Variants in ORC5 observed in about 807,000 individuals in gnomAD.
ORC5 encodes protein phosphatase 1, regulatory subunit 117.
A neutral mutation model predicts 58.8 loss-of-function variants in ORC5; 39 were observed. The ratio of observed to expected loss-of-function variants is 0.66; its 90% confidence interval spans 0.51 to 0.87. The LOEUF (loss-of-function observed/expected upper bound fraction) is 0.87. Among genes scored for constraint, ORC5 ranks in the 40% least tolerant of loss-of-function variants. The pLI is 0.00. For synonymous variants in ORC5, 218 were observed against 177.6 expected, an observed-to-expected ratio of 1.23 and a Z score of -1.81; for missense variants, 493 against 506.3, an observed-to-expected ratio of 0.97 and a Z score of 0.25.
intron 5 of ORC5, among the ~76,000 whole-genome samples, chr7:104,188,819 C>A (rs1799607526): frequency 2.0e-5 from 3 of 152,030 alleles, no homozygotes; most frequent in Admixed American, 2.0e-4. Flanking sequence ...TTCCCCCTAG[C>A]TGTTCTTGTG....
intron 8 of ORC5, 139 bp from the exon 9 acceptor site, chr7:104,168,664 A>ATTTTTTTTTTTTTTTTTTTTTTTTTT: frequency 8.2e-6 from 4 of 488,736 alleles, no homozygotes; most frequent in Non-Finnish European, 1.1e-5. Flanking sequence ...TGCAATAAAC[A>ATTTTTTTTTTTTTTTTTTTTTTTTTT]TGTTTGTACC....
intron 4 of ORC5, 134 bp from the exon 5 acceptor site, chr7:104,195,388 A>T: frequency 3.8e-6 from 2 of 527,304 alleles, no homozygotes; most frequent in South Asian, 5.8e-5. Flanking sequence ...ATATTAATAA[A>T]CCATATTTAG....
At chr7:104,140,124 C>A (rs194854) in intron 12 of ORC5, among the ~76,000 whole-genome samples, 48,984 of 151,854 alleles carry the variant, frequency 0.32, 8,673 homozygotes, top group East Asian at 0.52. Flanking sequence ...TTTTCTGTTA[C>A]TTTTCATGAT....
intron 8 of ORC5, among the ~76,000 whole-genome samples, chr7:104,181,602 G>A (rs191650551): frequency 3.3e-5 from 5 of 152,012 alleles, no homozygotes; most frequent in African/African-American, 9.6e-5. Flanking sequence ...TGGCTAACAC[G>A]GTGAAATGCT....
At chr7:104,174,846 C>T (rs1799290674) in intron 8 of ORC5, among the ~76,000 whole-genome samples, 1 of 152,142 alleles carries the variant, frequency 6.6e-6, no homozygotes, top group Non-Finnish European at 1.5e-5. Flanking sequence ...AGCATGTGTA[C>T]AAGGCCAGTA....
At chr7:104,204,941 GCTTTC>G (rs1800038069) in intron 1 of ORC5, among the ~76,000 whole-genome samples, 1 of 152,052 alleles carries the variant, frequency 6.6e-6, no homozygotes, top group Admixed American at 6.6e-5. Flanking sequence ...TTAAATGAAC[GCTTTC>G]ATTAGATACC....
At chr7:104,192,649 A>G (rs759068495) in intron 5 of ORC5, among the ~76,000 whole-genome samples, 6 of 152,186 alleles carry the variant, frequency 3.9e-5, no homozygotes, top group Non-Finnish European at 8.8e-5. Context: ...ACTACTAGAC[A>G]CATGAAAAAG....
chr7:104,141,424 T>C (rs985457033), intron 12 of ORC5, among the ~76,000 whole-genome samples: 11 of 136,114 alleles, frequency 8.1e-5, no homozygotes, highest in Non-Finnish European at 1.4e-4. Flanking sequence ...GAGAACATAG[T>C]TTAAGAGAAA....
chr7:104,179,595 T>C (rs2115948669), intron 8 of ORC5, among the ~76,000 whole-genome samples: 1 of 147,448 alleles, frequency 6.8e-6, no homozygotes, highest in South Asian at 2.2e-4. Flanking sequence ...GGTTTTCACT[T>C]TGAATTCTGA....
At chr7:104,197,829 G>T in intron 3 of ORC5, 30 bp from the exon 4 acceptor site, 5 of 1,380,292 alleles carry the variant, frequency 3.6e-6, no homozygotes, top group Non-Finnish European at 5.0e-6. Context: ...AAAACAAAAA[G>T]AAATGCATTT....
At chr7:104,192,507 C>T (rs1029180387) in intron 5 of ORC5, among the ~76,000 whole-genome samples, 1 of 152,044 alleles carries the variant, frequency 6.6e-6, no homozygotes, top group Non-Finnish European at 1.5e-5. Context: ...AATGGCTACT[C>T]TGGATCATCT....
rs759203279 is a variant in ORC5, at chr7:104,184,034, C to T, written c.734-1G>A. 2 of 1,611,558 alleles carry T rather than the reference C, an allele frequency of 1.2e-6. No homozygotes were observed. The highest frequency in any genetic ancestry group is 1.7e-6 in the Non-Finnish European group (2 of 1,178,704). On this transcript the variant is annotated splice_acceptor_variant, in intron 7 of 13. Coordinates refer to ENST00000297431, the MANE Select transcript of ORC5 (RefSeq NM_002553.4). LOFTEE classifies it high-confidence loss of function. ...AGTTTGCGAGTATCACGTTCACTTGCTACCCCAAAGGGAAGAAAATTTCAG... is the reference window on the plus strand; with the variant it reads ...AGTTTGCGAGTATCACGTTCACTTGTTACCCCAAAGGGAAGAAAATTTCAG...
intron 8 of ORC5, among the ~76,000 whole-genome samples, chr7:104,174,404 A>C (rs1303011167): frequency 6.6e-6 from 1 of 152,212 alleles, no homozygotes; most frequent in Non-Finnish European, 1.5e-5. Flanking sequence ...ATAAGAAACA[A>C]AATGGGATCC....
chr7:104,130,411 T>C (rs1177535161), intron 13 of ORC5, among the ~76,000 whole-genome samples: 1 of 152,174 alleles, frequency 6.6e-6, no homozygotes. Context: ...AAGGACATAG[T>C]CTTTTCTTCA....
At chr7:104,206,007 C>T (rs1200763575) in intron 1 of ORC5, among the ~76,000 whole-genome samples, 1 of 152,050 alleles carries the variant, frequency 6.6e-6, no homozygotes, top group Non-Finnish European at 1.5e-5. Context: ...AACCCTGTCT[C>T]AAAAAACAAA....
chr7:104,135,974 T>C (rs1798581300), intron 13 of ORC5, among the ~76,000 whole-genome samples: 1 of 152,202 alleles, frequency 6.6e-6, no homozygotes, highest in South Asian at 2.1e-4. Context: ...GCTGCAACCG[T>C]ATGATGAAGT....
intron 6 of ORC5, chr7:104,187,565 G>C: frequency 5.8e-6 from 1 of 173,842 alleles, no homozygotes; most frequent in Non-Finnish European, 1.1e-5. Context: ...ATGGAGATAA[G>C]ATCTTAATTA....
rs191180079 is a variant in ORC5, at chr7:104,151,803, A to G, written c.1149+9269T>C. ...GAGCACTAGCGCCAAGGGAGTAGAT[A>G]AGACAGCTCTGGGTAAATCTAGTTC... On this transcript the variant is annotated intron_variant, in intron 12 of 13. Transcript: ENST00000297431. Among the ~76,000 whole-genome samples the G allele has an allele frequency of 1.9e-3, 283 of 152,332 alleles. 1 individual carries two copies. Among genetic ancestry groups the G allele is most frequent in the African/African-American group, 6.5e-3 (270 of 41,588 alleles).
At chr7:104,146,470 C>T (rs924694593) in intron 12 of ORC5, among the ~76,000 whole-genome samples, 4 of 152,130 alleles carry the variant, frequency 2.6e-5, no homozygotes, top group Non-Finnish European at 4.4e-5. Flanking sequence ...CAGAATACTC[C>T]TCAGTAATTA....
Sources: gnomAD v4.1 joint callset for allele counts (sites outside exome capture counted in the v4.1 genomes callset) on GRCh38, gnomAD v4.1.1 for gene constraint, MANE v1.5 for transcripts, NCBI Gene and HGNC (gene_info 2026-07-23, HGNC 2026-07-21) for gene names.